The following PUS10 variants were observed in gnomAD, a reference collection of about 807,000 sequenced individuals.
PUS10 encodes tRNA pseudouridine synthase Pus10.
In PUS10, 59 loss-of-function variants were observed where a neutral mutation model predicts 75.0. That is an observed-to-expected ratio of 0.79 (90% CI 0.64 to 0.98). PUS10 has a LOEUF of 0.98. Among genes scored for constraint, PUS10 ranks in the 50% least tolerant of loss-of-function variants. The probability of loss-of-function intolerance (pLI) is 0.00; values close to 1 mark genes in which losing one functional copy is unlikely to be tolerated. For synonymous variants in PUS10, 219 were observed against 211.6 expected, an observed-to-expected ratio of 1.03 and a Z score of -0.30; for missense variants, 650 against 614.4, an observed-to-expected ratio of 1.06 and a Z score of -0.61.
At chr2:60,982,691 T>C (rs1250057250) in intron 4 of PUS10, among the ~76,000 whole-genome samples, 1 of 152,236 alleles carries the variant, frequency 6.6e-6, no homozygotes, top group Non-Finnish European at 1.5e-5. Context: ...AATTTCTTTG[T>C]TGTTAAAATT....
intron 5 of PUS10, among the ~76,000 whole-genome samples, chr2:60,970,103 G>T (rs1573430901): frequency 6.6e-6 from 1 of 151,054 alleles, no homozygotes; most frequent in Non-Finnish European, 1.5e-5. Context: ...AACAAAACCC[G>T]AAATAAAAAC....
intron 17 of PUS10, among the ~76,000 whole-genome samples, chr2:60,944,018 A>G (rs1285071543): frequency 6.6e-6 from 1 of 151,864 alleles, no homozygotes. Flanking sequence ...GGTCCCAGCT[A>G]CTCGGGAGAC....
chr2:60,947,782 T>C (rs1675047537), intron 16 of PUS10, among the ~76,000 whole-genome samples: 1 of 129,012 alleles, frequency 7.8e-6, no homozygotes, highest in Non-Finnish European at 1.5e-5. Context: ...TAAGCCGAGA[T>C]GGCGCCACCG....
At chr2:60,956,136 G>A (rs975231046) in intron 11 of PUS10, among the ~76,000 whole-genome samples, 2 of 151,796 alleles carry the variant, frequency 1.3e-5, no homozygotes, top group African/African-American at 4.8e-5. Flanking sequence ...AACTTTTTTA[G>A]ATATAGAACT....
intron 6 of PUS10, chr2:60,966,041 G>A (rs1676318658): frequency 6.6e-6 from 1 of 152,020 alleles, no homozygotes; most frequent in Non-Finnish European, 1.5e-5. Context: ...CCACGCCACT[G>A]AAGCAGAACC....
chr2:61,006,199 T>A (rs1045154775), intron 4 of PUS10, among the ~76,000 whole-genome samples: 1 of 152,232 alleles, frequency 6.6e-6, no homozygotes, highest in African/African-American at 2.4e-5. Context: ...ATTCTAGGAC[T>A]ATTCTAAAAT....
rs1415868368 is a variant in PUS10, at chr2:61,006,559, C to G, written c.466G>C (p.Glu156Gln). 1 of 1,610,856 alleles carries G rather than the reference C, an allele frequency of 6.2e-7. No homozygotes were observed. The highest frequency in any genetic ancestry group is 1.7e-5 in the Admixed American group (1 of 59,826). ...VSFPPQLSVR[E>Q]HAAWLLVKQE... ...TTTATGCATGCAAATGACCTTACCT[C>G]TCTTACAGATAGTTGTGGTGGGAAG... The change falls in exon 4 of 18, where the codon GAG (glutamate) becomes CAG (glutamine). Residue 156 changes from glutamate (E) to glutamine (Q), a missense_variant and splice_region_variant. Glu to Gln is a conservative substitution (Grantham distance 29). Coordinates refer to ENST00000316752, the MANE Select transcript of PUS10 (RefSeq NM_144709.4).
At chr2:60,994,859 C>T (rs1273201969) in intron 4 of PUS10, among the ~76,000 whole-genome samples, 1 of 152,206 alleles carries the variant, frequency 6.6e-6, no homozygotes, top group Non-Finnish European at 1.5e-5. Flanking sequence ...GAGGCTGAAG[C>T]AGGCGGATCA....
In PUS10 at chr2:61,018,210, G is replaced by C. The variant is rs1680144476; in HGVS notation, c.-218C>G. ...GTAGACTTTGGTCTGTAGCAGTTGA[G>C]AGCGGCATTTGTCCAGCCACGGCAT... On this transcript the variant is annotated 5_prime_UTR_variant, in exon 1 of 18. Coordinates refer to ENST00000316752, the MANE Select transcript of PUS10 (RefSeq NM_144709.4). The C allele has an allele frequency of 3.9e-6, 6 of 1,551,016 alleles. No individual in the cohort carries two copies. Among genetic ancestry groups the C allele is most frequent in the Non-Finnish European group, 8.7e-7 (1 of 1,146,938 alleles).
intron 4 of PUS10, among the ~76,000 whole-genome samples, chr2:60,990,739 A>ATTTTCTTTTC (rs1011275737): frequency 1.3e-5 from 2 of 151,848 alleles, no homozygotes; most frequent in African/African-American, 4.8e-5. Flanking sequence ...CAATGTCCAA[A>ATTTTCTTTTC]TTTTCTTTTC....
Position 61,011,767 on chromosome 2 carries a change from T to G in PUS10, c.124A>C (p.Lys42Gln). 6.4e-7 allele frequency: 1 copy of G among 1,552,490 alleles called. No individual in the cohort carries two copies. The highest frequency in any genetic ancestry group is 8.6e-7 in the Non-Finnish European group (1 of 1,156,096). Residue 42 changes from lysine (K) to glutamine (Q), a missense_variant and splice_region_variant, in exon 2 of 18, where the codon AAG (lysine) becomes CAG (glutamine). Physicochemically the swap from Lys to Gln is moderately conservative, Grantham distance 53. Transcript: ENST00000316752. ...DFHAPYKLPYKELLNELQKFL... is the reference protein window; with the variant it reads ...DFHAPYKLPYQELLNELQKFL... Reference sequence around the variant, plus strand: ...AAAAAAAAAAGAAAAGAAAATACCTTGTATGGAAGTTTGTAAGGTGCATGA... The same window carrying G: ...AAAAAAAAAAGAAAAGAAAATACCTGGTATGGAAGTTTGTAAGGTGCATGA...
intron 15 of PUS10, 91 bp from the exon 16 acceptor site, chr2:60,948,276 CCA>C: frequency 8.1e-7 from 1 of 1,234,132 alleles, no homozygotes; most frequent in Non-Finnish European, 1.2e-6. Flanking sequence ...CCATAGCTCA[CCA>C]CAGATGCTTC....
intron 15 of PUS10, among the ~76,000 whole-genome samples, chr2:60,950,840 CA>C (rs1419091316): frequency 3.3e-5 from 5 of 152,206 alleles, no homozygotes; most frequent in African/African-American, 1.2e-4. Context: ...AGCCCTTAAA[CA>C]CCATGTACAT....
intron 11 of PUS10, among the ~76,000 whole-genome samples, chr2:60,959,425 C>G (rs1004269224): frequency 6.6e-6 from 1 of 152,196 alleles, no homozygotes; most frequent in Non-Finnish European, 1.5e-5. Flanking sequence ...GAGTCTCACT[C>G]TTTCGTCCAG....
intron 4 of PUS10, among the ~76,000 whole-genome samples, chr2:60,989,967 CCAA>C (rs1313168388): frequency 6.6e-6 from 1 of 151,860 alleles, no homozygotes; most frequent in Non-Finnish European, 1.5e-5. Context: ...GACCAACTCA[CCAA>C]CAATAAGCAG....
intron 16 of PUS10, among the ~76,000 whole-genome samples, chr2:60,946,736 G>A (rs925376104): frequency 1.3e-5 from 2 of 152,060 alleles, no homozygotes; most frequent in African/African-American, 4.8e-5. Context: ...GTGAATGCAG[G>A]CTGGTGGGGA....
At chr2:60,993,011 T>C (rs1678209632) in intron 4 of PUS10, among the ~76,000 whole-genome samples, 1 of 152,248 alleles carries the variant, frequency 6.6e-6, no homozygotes, top group South Asian at 2.1e-4. Flanking sequence ...CTGAGCACTC[T>C]TGCCCTGGCT....
chr2:61,015,027 A>G (rs977642666), intron 1 of PUS10, among the ~76,000 whole-genome samples: 12 of 152,206 alleles, frequency 7.9e-5, no homozygotes, highest in Non-Finnish European at 1.5e-5. Flanking sequence ...ATTCAGGGGA[A>G]TATGTGAGTC....
In PUS10 at chr2:60,961,524, T is replaced by A. The variant is rs746688256; in HGVS notation, c.813A>T (p.Ser271=). The A allele has an allele frequency of 8.1e-6, 13 of 1,614,016 alleles. No individual in the cohort carries two copies. The highest frequency in any genetic ancestry group is 1.0e-5 in the Non-Finnish European group (12 of 1,179,972). Residue 271 remains serine, a synonymous_variant, in exon 10 of 18, where the codon TCA becomes TCT. Transcript: ENST00000316752. ...CAAGAACAGCGCATACAGCCTTTGG[T>A]GAGTTTGGAGGACAAGGAAACTGCC... ...FLKQFPCPPN[S]PKAVCAVLEI...
Sources: gnomAD v4.1 joint callset for allele counts (sites outside exome capture counted in the v4.1 genomes callset) on GRCh38, gnomAD v4.1.1 for gene constraint, MANE v1.5 for transcripts, NCBI Gene and HGNC (gene_info 2026-07-23, HGNC 2026-07-21) for gene names.